ANOS1: variants seen among roughly 807,000 people sequenced by gnomAD.
The protein encoded by ANOS1 is anosmin 1.
ANOS1 carries 6 observed loss-of-function variants against 59.0 expected under a neutral mutation model. The ratio of observed to expected loss-of-function variants is 0.10; its 90% CI spans 0.06 to 0.20. The LOEUF (loss-of-function observed/expected upper bound fraction) is 0.20. ANOS1 is among the 10% of genes least tolerant of loss of function. The probability of loss-of-function intolerance (pLI) is 1.00; values close to 1 mark genes in which losing one functional copy is unlikely to be tolerated. For synonymous variants in ANOS1, 217 were observed against 223.4 expected, an observed-to-expected ratio of 0.97 and a Z score of 0.25; for missense variants, 433 against 542.3, an observed-to-expected ratio of 0.80 and a Z score of 2.00.
At chrX:8,651,924 T>A (rs1260660055) in intron 2 of ANOS1, among the ~76,000 whole-genome samples, 3 of 111,541 alleles carry the variant, frequency 2.7e-5, no homozygotes, top group African/African-American at 9.8e-5. Context: ...CATTTATTTT[T>A]TATTTACTTG....
intron 3 of ANOS1, among the ~76,000 whole-genome samples, chrX:8,608,245 C>T (rs745367495): frequency 8.9e-6 from 1 of 111,923 alleles, no homozygotes; most frequent in Admixed American, 9.5e-5. Context: ...TCAGTGCTAG[C>T]CACCTTTATT....
chrX:8,657,672 T>A (rs1286705119), intron 2 of ANOS1, among the ~76,000 whole-genome samples: 1 of 110,210 alleles, frequency 9.1e-6, no homozygotes, highest in Non-Finnish European at 1.9e-5. Context: ...TTTTACCATG[T>A]TGGTCAGGCT....
intron 5 of ANOS1, among the ~76,000 whole-genome samples, chrX:8,585,694 A>T (rs1286750451): frequency 8.9e-6 from 1 of 112,409 alleles, no homozygotes; most frequent in Non-Finnish European, 1.9e-5. Flanking sequence ...ATCAATAGAG[A>T]ATATTTATGT....
rs1930524909 is a variant in ANOS1, at chrX:8,586,989, A to C, written c.726+805T>G. Among the ~76,000 whole-genome samples, 4 of 109,764 alleles carry C rather than the reference A, an allele frequency of 3.6e-5. No homozygotes were observed. The South Asian group carries it at 1.6e-3, about 44-fold the overall frequency. On this transcript the variant is annotated intron_variant, in intron 5 of 13. Transcript: ENST00000262648. Reference sequence around the variant, plus strand: ...AAAATAGGAATCTAGTCCTTGGAAAAAATGATCTAATCAACATAAGGTGAG... The same window carrying C: ...AAAATAGGAATCTAGTCCTTGGAAACAATGATCTAATCAACATAAGGTGAG...
At chrX:8,583,659 G>A (rs931168151) in intron 6 of ANOS1, among the ~76,000 whole-genome samples, 16 of 112,028 alleles carry the variant, frequency 1.4e-4, no homozygotes, top group African/African-American at 5.2e-4. Flanking sequence ...GACATTTTTG[G>A]TTTGTAAAAT....
chrX:8,627,020 A>G (rs1254249837), intron 2 of ANOS1, among the ~76,000 whole-genome samples: 1 of 111,891 alleles, frequency 8.9e-6, no homozygotes, highest in African/African-American at 3.3e-5. Flanking sequence ...AATGTTTAGT[A>G]GTTATTTAAA....
rs2146784286 is a variant in ANOS1 at position 8,532,106 on chromosome X, A to T, written c.*889T>A. The T allele has an allele frequency of 8.9e-6, 1 of 112,236 alleles. No homozygotes were observed. The highest frequency in any genetic ancestry group is 3.7e-4 in the South Asian group (1 of 2,727). 9.2% of individuals were successfully genotyped at this position (112,236 alleles called of 1,213,427 possible). A position where few individuals can be genotyped will look rare whatever the true frequency, so the allele number is the denominator to read the frequency against. On this transcript the variant is annotated 3_prime_UTR_variant, in exon 14 of 14. Coordinates refer to ENST00000262648, the MANE Select transcript of ANOS1 (RefSeq NM_000216.4). The stretch of plus-strand genomic sequence containing the variant: ...TCTCTGCAAAGATTTAAACATGCTC[A>T]ATAGTTGGGATTTTTTCATTTGAAG...
At chrX:8,727,640 G>C (rs776530450) in intron 1 of ANOS1, among the ~76,000 whole-genome samples, 41 of 112,312 alleles carry the variant, frequency 3.7e-4, no homozygotes, top group Admixed American at 3.4e-3. Context: ...CCCGGGTGCA[G>C]CAGCAGGCAA....
At chrX:8,555,778 G>T in intron 8 of ANOS1, among the ~76,000 whole-genome samples, 1 of 112,286 alleles carries the variant, frequency 8.9e-6, no homozygotes, top group East Asian at 2.8e-4. Flanking sequence ...AACAGGAGCT[G>T]GTATCATTCC....
At chrX:8,553,204 C>T (rs1029837443) in intron 9 of ANOS1, among the ~76,000 whole-genome samples, 1 of 106,479 alleles carries the variant, frequency 9.4e-6, no homozygotes, top group African/African-American at 3.4e-5. Context: ...TATTCTAAGA[C>T]TAAAAAAAAA....
intron 2 of ANOS1, among the ~76,000 whole-genome samples, chrX:8,676,930 A>C (rs1932345551): frequency 8.9e-6 from 1 of 111,787 alleles, no homozygotes; most frequent in South Asian, 3.8e-4. Flanking sequence ...GTGGTGTCTC[A>C]TTCAAAGAAA....
intron 2 of ANOS1, among the ~76,000 whole-genome samples, chrX:8,637,213 T>A (rs373173338): frequency 3.6e-5 from 4 of 112,049 alleles, no homozygotes; most frequent in African/African-American, 1.3e-4. Flanking sequence ...TCAAGAGATT[T>A]TGCACAGGGT....
chrX:8,718,835 G>A (rs1932856607), intron 1 of ANOS1, among the ~76,000 whole-genome samples: 1 of 112,101 alleles, frequency 8.9e-6, no homozygotes. Flanking sequence ...ACCATCAAGC[G>A]AGGGATAAAA....
intron 10 of ANOS1, among the ~76,000 whole-genome samples, chrX:8,538,625 T>A (rs770141197): frequency 9.8e-5 from 11 of 111,873 alleles, no homozygotes; most frequent in Non-Finnish European, 2.1e-4. Flanking sequence ...TATTAATAAT[T>A]CCAGCTTCTG....
At chrX:8,610,755 G>A (rs1423244664) in intron 3 of ANOS1, among the ~76,000 whole-genome samples, 1 of 110,758 alleles carries the variant, frequency 9.0e-6, no homozygotes, top group Admixed American at 9.7e-5. Flanking sequence ...GGATAAATTG[G>A]GCCTAGTCTA....
chrX:8,629,257 A>T (rs181533616), intron 2 of ANOS1, among the ~76,000 whole-genome samples: 7 of 111,016 alleles, frequency 6.3e-5, no homozygotes, highest in East Asian at 2.8e-4. Flanking sequence ...AGAAAAAAAA[A>T]TTTTAAAAAG....
rs765646772 is a variant in ANOS1, at chrX:8,616,797, G to A, written c.318+6811C>T. 3.2e-3 allele frequency among the ~76,000 whole-genome samples: 362 copies of A among 111,540 alleles called. 4 individuals carry two copies. The highest frequency in any genetic ancestry group is 0.011 in the African/African-American group (347 of 30,664). The stretch of plus-strand genomic sequence containing the variant: ...CACCACTATCTCTCATTTGCTCAGT[G>A]GATTAGATTGTACCAAGTAAAAGAA... On this transcript the variant is annotated intron_variant, in intron 3 of 13. Coordinates refer to ENST00000262648, the MANE Select transcript of ANOS1 (RefSeq NM_000216.4).
intron 5 of ANOS1, among the ~76,000 whole-genome samples, chrX:8,586,649 AC>A (rs1181141690): frequency 1.8e-5 from 2 of 111,982 alleles, no homozygotes; most frequent in East Asian, 5.6e-4. Flanking sequence ...ATGAATCTGT[AC>A]CACGATTTAT....
intron 2 of ANOS1, among the ~76,000 whole-genome samples, chrX:8,699,284 A>G (rs1932728090): frequency 1.8e-5 from 2 of 112,125 alleles, no homozygotes; most frequent in South Asian, 7.3e-4. Flanking sequence ...TTTAACCAGC[A>G]ATTCCTACAA....
Sources: allele counts gnomAD v4.1 joint callset (sites outside exome capture counted in the v4.1 genomes callset), GRCh38; gene constraint gnomAD v4.1.1; transcripts MANE v1.5; gene names NCBI Gene and HGNC (gene_info 2026-07-23, HGNC 2026-07-21).